The following VWC2 variants were observed in gnomAD, a reference collection of about 807,000 sequenced individuals.
VWC2 encodes the protein brorin.
Under a neutral mutation model 29.8 loss-of-function variants are expected in VWC2, and 14 were observed. The ratio of observed to expected loss-of-function variants is 0.47; its 90% confidence interval spans 0.31 to 0.74. The LOEUF is 0.74. Among genes scored for constraint, VWC2 ranks in the 30% least tolerant of loss-of-function variants. VWC2 has a pLI of 0.05. For synonymous variants in VWC2, 213 were observed against 199.0 expected, an observed-to-expected ratio of 1.07 and a Z score of -0.59; for missense variants, 457 against 459.8, an observed-to-expected ratio of 0.99 and a Z score of 0.05.
At chr7:49,807,365 GA>G (rs1291020398) in intron 3 of VWC2, among the ~76,000 whole-genome samples, 2 of 152,166 alleles carry the variant, frequency 1.3e-5, no homozygotes, top group Non-Finnish European at 2.9e-5. Flanking sequence ...AACAAAGCTG[GA>G]AAATGTACAA....
intron 2 of VWC2, among the ~76,000 whole-genome samples, chr7:49,777,916 T>C (rs1484751370): frequency 1.3e-5 from 2 of 152,106 alleles, no homozygotes; most frequent in Non-Finnish European, 2.9e-5. Context: ...TCATCGGCTC[T>C]TCTAAAGTCA....
downstream of VWC2, chr7:49,921,951 G>T (rs1794037968): frequency 6.6e-6 from 1 of 152,084 alleles, no homozygotes; most frequent in African/African-American, 2.4e-5. Context: ...ATTAAACTGA[G>T]TTTTGCACTT....
chr7:49,848,812 CA>C (rs1343464208), intron 3 of VWC2, among the ~76,000 whole-genome samples: 4 of 152,134 alleles, frequency 2.6e-5, no homozygotes, highest in Non-Finnish European at 5.9e-5. Flanking sequence ...TGCCACAATT[CA>C]AATACACTTT....
intron 3 of VWC2, among the ~76,000 whole-genome samples, chr7:49,824,189 C>A (rs984159352): frequency 4.6e-5 from 7 of 152,112 alleles, no homozygotes; most frequent in African/African-American, 1.7e-4. Flanking sequence ...TCCAAGGTCA[C>A]AAGTTTCTCT....
At chr7:49,851,854 TA>T (rs77423510) in intron 3 of VWC2, among the ~76,000 whole-genome samples, 752 of 136,106 alleles carry the variant, frequency 5.5e-3, no homozygotes, top group Middle Eastern at 0.011. Flanking sequence ...AGACTCTGTC[TA>T]AAAAAAAAAA....
intron 3 of VWC2, among the ~76,000 whole-genome samples, chr7:49,904,718 G>A (rs1792986928): frequency 6.7e-6 from 1 of 149,982 alleles, no homozygotes; most frequent in Non-Finnish European, 1.5e-5. Flanking sequence ...GGAAAAAATA[G>A]CAACATAGCA....
At chr7:49,802,980 A>ATTG in intron 3 of VWC2, 140 bp downstream of exon 3, 5 of 1,082,198 alleles carry the variant, frequency 4.6e-6, no homozygotes, top group Non-Finnish European at 6.5e-6. Context: ...ACACGTGTGT[A>ATTG]ATCTTTCAGC....
rs1269692055 is a variant in VWC2 at position 49,918,466 on chromosome 7, A to G, written c.*6281A>G. 3 of 152,204 alleles carry G rather than the reference A, an allele frequency of 2.0e-5. No homozygotes were observed. Among genetic ancestry groups the G allele is most frequent in the Non-Finnish European group, 4.4e-5 (3 of 68,026 alleles). 9.4% of individuals were successfully genotyped at this position (152,204 alleles called of 1,614,324 possible). A position where few individuals can be genotyped will look rare whatever the true frequency, so the allele number is the denominator to read the frequency against. On this transcript the variant is annotated 3_prime_UTR_variant, in exon 4 of 4. Coordinates refer to ENST00000340652, the MANE Select transcript of VWC2 (RefSeq NM_198570.5). ...AAGTAAATAGTAGCTCGTCACAAAA[A>G]TGTTGTAGCCTCCCTAGTCTAAATG...
At position 49,904,736 on chromosome 7, in the gene VWC2, A is replaced by ATT. The variant is rs5884134; in HGVS notation, c.827-7282_827-7281dup. Among the ~76,000 whole-genome samples, 2,159 of 139,000 alleles carry ATT rather than the reference A, an allele frequency of 0.016. 222 individuals carry two copies. The East Asian group carries it at 0.29, about 19-fold the overall frequency. 91.2% of individuals were successfully genotyped at this position (139,000 alleles called of 152,430 possible). On this transcript the variant is annotated intron_variant, in intron 3 of 3. Transcript: ENST00000340652. ...AAAAATAGCAACATAGCATATATTA[A>ATT]TTTTTTTTTTTTTTTTTGAGATGGA...
chr7:49,790,497 G>A (rs987397985), intron 2 of VWC2, among the ~76,000 whole-genome samples: 2 of 152,198 alleles, frequency 1.3e-5, no homozygotes, highest in Non-Finnish European at 2.9e-5. Flanking sequence ...AGGCAGCAGC[G>A]TCTCTCTGTC....
At position 49,916,940 on chromosome 7, in the gene VWC2, T is replaced by G. The variant is rs1793756427; in HGVS notation, c.*4755T>G. 1 of 152,222 alleles carries G rather than the reference T, an allele frequency of 6.6e-6. No homozygotes were observed. 9.4% of individuals were successfully genotyped at this position (152,222 alleles called of 1,614,324 possible). A position where few individuals can be genotyped will look rare whatever the true frequency, so the allele number is the denominator to read the frequency against. On this transcript the variant is annotated 3_prime_UTR_variant, in exon 4 of 4. Transcript: ENST00000340652. ...AAAAATTGCTTTTAGTGTGAAATTTTTGATGCTGAAGAAAGTTGATTGTAT... is the reference window on the plus strand; with the variant it reads ...AAAAATTGCTTTTAGTGTGAAATTTGTGATGCTGAAGAAAGTTGATTGTAT...
chr7:49,809,802 G>A (rs563133467), intron 3 of VWC2, among the ~76,000 whole-genome samples: 68 of 152,018 alleles, frequency 4.5e-4, no homozygotes, highest in African/African-American at 1.4e-3. Flanking sequence ...TGCAAAGAAG[G>A]AATTTGAAAA....
At chr7:49,880,718 A>G (rs1038613323) in intron 3 of VWC2, among the ~76,000 whole-genome samples, 1 of 152,010 alleles carries the variant, frequency 6.6e-6, no homozygotes, top group African/African-American at 2.4e-5. Context: ...GCATTAGGAG[A>G]TACACCTAAT....
At position 49,913,749 on chromosome 7, in the gene VWC2, T is replaced by C. The variant is rs2128744126; in HGVS notation, c.*1564T>C. On this transcript the variant is annotated 3_prime_UTR_variant, in exon 4 of 4. Transcript: ENST00000340652. ...TTAGAAAGCCTTCCTAATGAGAAGA[T>C]GGAGAACATGAAAAAATCATTATAT... 6.6e-6 allele frequency: 1 copy of C among 152,154 alleles called. No homozygotes were observed. The highest frequency in any genetic ancestry group is 1.9e-4 in the East Asian group (1 of 5,180). The allele number at this position is 152,154 out of a possible 1,614,324, so 9.4% of individuals were successfully genotyped here.
Position 49,912,035 on chromosome 7 carries a change from T to C in VWC2, c.828T>C (p.Gly276=), listed in dbSNP as rs373782102. The change falls in exon 4 of 4, where the codon GGT becomes GGC. Residue 276 remains glycine (G), a splice_region_variant and synonymous_variant. Coordinates refer to ENST00000340652, the MANE Select transcript of VWC2 (RefSeq NM_198570.5). The part of the protein sequence containing the change: ...PDQCCPICKN[G]PNCFAETAVI... The stretch of plus-strand genomic sequence containing the variant: ...ATAAAACATTTTTCTGCATTTCAGG[T>C]CCAAACTGCTTTGCAGAAACCGCGG... 112 of 1,612,908 alleles carry C rather than the reference T, an allele frequency of 6.9e-5. No individual in the cohort carries two copies. The highest frequency in any genetic ancestry group is 9.3e-5 in the Non-Finnish European group (110 of 1,179,586).
chr7:49,790,993 A>G (rs1008936715), intron 2 of VWC2, among the ~76,000 whole-genome samples: 1 of 152,056 alleles, frequency 6.6e-6, no homozygotes, highest in Admixed American at 6.5e-5. Flanking sequence ...AACATTTTCT[A>G]TCACTGGCCC....
chr7:49,807,208 G>T (rs983014538), intron 3 of VWC2, among the ~76,000 whole-genome samples: 2 of 152,178 alleles, frequency 1.3e-5, no homozygotes, highest in African/African-American at 4.8e-5. Context: ...ACACAAAGAT[G>T]TGAGTCTGCT....
intron 3 of VWC2, among the ~76,000 whole-genome samples, chr7:49,890,080 T>C (rs897520795): frequency 6.6e-6 from 1 of 152,120 alleles, no homozygotes; most frequent in African/African-American, 2.4e-5. Context: ...TTTCAAAGCC[T>C]CAATTTCCCA....
At chr7:49,803,351 A>G (rs1259247407) in intron 3 of VWC2, among the ~76,000 whole-genome samples, 1 of 152,168 alleles carries the variant, frequency 6.6e-6, no homozygotes, top group Non-Finnish European at 1.5e-5. Flanking sequence ...CTTGATCCTA[A>G]TTTGTCATGG....
Sources: allele counts gnomAD v4.1 joint callset (sites outside exome capture counted in the v4.1 genomes callset), GRCh38; gene constraint gnomAD v4.1.1; transcripts MANE v1.5; gene names NCBI Gene and HGNC (gene_info 2026-07-23, HGNC 2026-07-21).